Variants in CFAP251 observed in about 807,000 individuals in gnomAD.
CFAP251 encodes the protein cilia and flagella associated protein 251.
In CFAP251, 93 loss-of-function variants were observed where a neutral mutation model predicts 126.7. That is an observed-to-expected ratio of 0.73 (90% CI 0.62 to 0.87). The LOEUF (loss-of-function observed/expected upper bound fraction) is 0.87. Among genes scored for constraint, CFAP251 ranks in the 40% least tolerant of loss-of-function variants. CFAP251 has a pLI of 0.00. For missense variants in CFAP251, 1,287 were observed against 1,389.2 expected (o/e 0.93, Z 1.17); for synonymous variants, 503 against 506.9 (o/e 0.99, Z 0.10).
intron 13 of CFAP251, 97 bp downstream of exon 13, chr12:121,959,191 A>G: frequency 7.9e-7 from 1 of 1,273,582 alleles, no homozygotes; most frequent in Non-Finnish European, 1.1e-6. Context: ...AATCCCAATG[A>G]TTTGGGAGGC....
rs368986031 is a variant in CFAP251, at chr12:121,951,115, G to A, written c.1270-365G>A. 3.9e-4 allele frequency: 63 copies of A among 160,996 alleles called. No individual in the cohort carries two copies. The South Asian group carries it at 0.011, about 27-fold the overall frequency. The allele number at this position is 160,996 out of a possible 1,614,324, so 10.0% of individuals were successfully genotyped here. On this transcript the variant is annotated intron_variant, in intron 8 of 21. Transcript: ENST00000288912. ...GCGCTCCTGTAATCCCAGCTACTCAGGAGGCTGAGGCAGGAGAATTGCTTG... is the reference window on the plus strand; with the variant it reads ...GCGCTCCTGTAATCCCAGCTACTCAAGAGGCTGAGGCAGGAGAATTGCTTG...
At chr12:121,934,714 C>T (rs1880822445) in intron 5 of CFAP251, among the ~76,000 whole-genome samples, 2 of 152,144 alleles carry the variant, frequency 1.3e-5, no homozygotes, top group Admixed American at 6.6e-5. Context: ...GATCTGTTTG[C>T]CTGCCATGGT....
chr12:121,943,613 C>T (rs1231378623), intron 7 of CFAP251, among the ~76,000 whole-genome samples: 1 of 151,828 alleles, frequency 6.6e-6, no homozygotes, highest in East Asian at 1.9e-4. Context: ...TTAGTAGAGA[C>T]GGGTTTTCTC....
intron 19 of CFAP251, among the ~76,000 whole-genome samples, chr12:121,978,459 T>C (rs1182677795): frequency 6.7e-6 from 1 of 149,276 alleles, no homozygotes; most frequent in African/African-American, 2.5e-5. Context: ...TATATTTTAA[T>C]TTTTTAACTT....
chr12:121,968,240 G>A (rs1882217425), intron 17 of CFAP251, 71 bp downstream of exon 17: 7 of 1,451,858 alleles, frequency 4.8e-6, no homozygotes, highest in Non-Finnish European at 6.5e-6. Flanking sequence ...GATAGACACT[G>A]AACCCTACTG....
intron 16 of CFAP251, 98 bp from the exon 17 acceptor site, chr12:121,967,907 CT>C: frequency 8.9e-7 from 1 of 1,123,976 alleles, no homozygotes; most frequent in South Asian, 1.5e-5. Flanking sequence ...CACACAGGTC[CT>C]TCTGGCACAC....
At chr12:121,977,256 G>T (rs1882483096) in intron 19 of CFAP251, among the ~76,000 whole-genome samples, 1 of 152,162 alleles carries the variant, frequency 6.6e-6, no homozygotes, top group African/African-American at 2.4e-5. Context: ...TGAAGAAAAG[G>T]TACAGTAAAA....
At chr12:121,973,298 G>A (rs1882381803) in intron 17 of CFAP251, among the ~76,000 whole-genome samples, 1 of 152,236 alleles carries the variant, frequency 6.6e-6, no homozygotes, top group Non-Finnish European at 1.5e-5. Flanking sequence ...GGGAACCTCT[G>A]CCTAGATTTC....
intron 3 of CFAP251, 23 bp downstream of exon 3, chr12:121,924,013 T>C (rs1413877940): frequency 2.1e-6 from 3 of 1,454,892 alleles, no homozygotes; most frequent in Non-Finnish European, 2.7e-6. Flanking sequence ...CTTTTAAATC[T>C]CCCCCAGTGC....
chr12:121,954,067 G>C, intron 9 of CFAP251, 53 bp from the exon 10 acceptor site: 2 of 1,449,914 alleles, frequency 1.4e-6, no homozygotes, highest in South Asian at 2.4e-5. Flanking sequence ...ATTGATAAAT[G>C]CTTTGTTTTA....
chr12:121,921,804 T>TTTG, intron 2 of CFAP251, 121 bp downstream of exon 2: 1 of 1,203,402 alleles, frequency 8.3e-7, no homozygotes, highest in South Asian at 1.7e-5. Context: ...TTTTTTTTTT[T>TTTG]TTTGAGACAG....
At chr12:121,954,655 A>AAAAAAC (rs1555218009) in intron 10 of CFAP251, among the ~76,000 whole-genome samples, 138 of 149,498 alleles carry the variant, frequency 9.2e-4, no homozygotes, top group Middle Eastern at 7.0e-3. Context: ...AAAAAAAAAA[A>AAAAAAC]AAAAAAAAAA....
chr12:121,941,643 A>G (rs1881120173), intron 5 of CFAP251, among the ~76,000 whole-genome samples: 1 of 152,072 alleles, frequency 6.6e-6, no homozygotes, highest in Non-Finnish European at 1.5e-5. Flanking sequence ...CTAGTTTCTT[A>G]TCATATGGTT....
At chr12:122,002,671 C>T (rs1883175644) in intron 21 of CFAP251, among the ~76,000 whole-genome samples, 1 of 152,214 alleles carries the variant, frequency 6.6e-6, no homozygotes, top group South Asian at 2.1e-4. Flanking sequence ...TCCCTTCCTG[C>T]TATAGCCTAA....
rs1882439084 is a variant in CFAP251, at chr12:121,975,643, T to G, written c.2964T>G (p.Pro988=). 1 of 1,597,404 alleles carries G rather than the reference T, an allele frequency of 6.3e-7. No homozygotes were observed. The highest frequency in any genetic ancestry group is 8.5e-7 in the Non-Finnish European group (1 of 1,175,306). The change falls in exon 19 of 22, where the codon CCT becomes CCG. Residue 988 remains proline (P), a synonymous_variant. Transcript: ENST00000288912. ...AACACATTTGCCTGTCAGAGCTTCC[T>G]TTTGTCATGAGAGCAATTGGCTTTT... ...VSEHICLSEL[P]FVMRAIGFYP...
At chr12:121,993,102 C>G (rs1221670229) in intron 19 of CFAP251, among the ~76,000 whole-genome samples, 94 of 142,948 alleles carry the variant, frequency 6.6e-4, no homozygotes, top group African/African-American at 2.3e-3. Context: ...CTCAGCCTGC[C>G]GAGTGCCTGC....
At chr12:121,977,437 T>A (rs1292223878) in intron 19 of CFAP251, among the ~76,000 whole-genome samples, 2 of 152,140 alleles carry the variant, frequency 1.3e-5, no homozygotes, top group African/African-American at 4.8e-5. Flanking sequence ...GGTGGGTGGA[T>A]CACCTGAGGT....
At chr12:121,982,930 C>T (rs955503022) in intron 19 of CFAP251, among the ~76,000 whole-genome samples, 3 of 151,690 alleles carry the variant, frequency 2.0e-5, no homozygotes, top group African/African-American at 7.3e-5. Flanking sequence ...AGCGAGACCC[C>T]GATCTCTAAA....
chr12:121,959,947 G>GA (rs549905867), intron 13 of CFAP251, among the ~76,000 whole-genome samples: 17 of 149,640 alleles, frequency 1.1e-4, no homozygotes, highest in South Asian at 6.6e-4. Flanking sequence ...AACATGGTGA[G>GA]ACACCCCCCA....
Sources: gnomAD v4.1 joint callset for allele counts (sites outside exome capture counted in the v4.1 genomes callset) on GRCh38, gnomAD v4.1.1 for gene constraint, MANE v1.5 for transcripts, NCBI Gene and HGNC (gene_info 2026-07-23, HGNC 2026-07-21) for gene names.